AFG2A: variants seen among roughly 807,000 people sequenced by gnomAD.
AFG2A encodes the protein AAA ATPase AFG2A.
At chr4:122,948,452 A>G in the AFG2A span, among the ~76,000 whole-genome samples, 1 of 151,098 alleles carries the variant, frequency 6.6e-6, no homozygotes, top group African/African-American at 2.4e-5. Context: ...AATCAGATCC[A>G]TTGGTGGCGG....
the AFG2A span, among the ~76,000 whole-genome samples, chr4:123,154,310 TC>T: frequency 7.2e-5 from 11 of 152,076 alleles, no homozygotes; most frequent in Non-Finnish European, 1.5e-4. Flanking sequence ...GTAATATTCA[TC>T]AAAGTATATA....
the AFG2A span, among the ~76,000 whole-genome samples, chr4:123,179,200 G>A: frequency 1.3e-5 from 2 of 152,172 alleles, no homozygotes; most frequent in East Asian, 3.8e-4. Context: ...TCCTTCAGAT[G>A]CCAGCAATCT....
chr4:123,271,423 A>G, the AFG2A span, among the ~76,000 whole-genome samples: 2 of 152,180 alleles, frequency 1.3e-5, no homozygotes, highest in Non-Finnish European at 2.9e-5. Flanking sequence ...GATGAGGATC[A>G]TTTTATTATC....
the AFG2A span, among the ~76,000 whole-genome samples, chr4:123,296,308 A>C: frequency 6.6e-6 from 1 of 152,204 alleles, no homozygotes; most frequent in Non-Finnish European, 1.5e-5. Context: ...AATATGGGAG[A>C]CTGGATAGGA....
chr4:123,025,498 C>T, the AFG2A span, among the ~76,000 whole-genome samples: 2 of 152,092 alleles, frequency 1.3e-5, no homozygotes, highest in African/African-American at 4.8e-5. Context: ...TGAATATGAC[C>T]GCTCCATCTT....
chr4:123,115,398 GGTGGGT>G, the AFG2A span, among the ~76,000 whole-genome samples: 1 of 152,116 alleles, frequency 6.6e-6, no homozygotes, highest in Non-Finnish European at 1.5e-5. Flanking sequence ...CCGCCAGCAG[GGTGGGT>G]GCGGCGACAG....
At chr4:123,164,675 T>A in the AFG2A span, among the ~76,000 whole-genome samples, 1 of 152,272 alleles carries the variant, frequency 6.6e-6, no homozygotes, top group Non-Finnish European at 1.5e-5. Context: ...TAGATTCTAA[T>A]TGAAGTCTCT....
the AFG2A span, among the ~76,000 whole-genome samples, chr4:122,982,983 T>C: frequency 6.9e-6 from 1 of 144,994 alleles, no homozygotes; most frequent in African/African-American, 2.5e-5. Context: ...TTCTCCTGCC[T>C]CAACCTCCTG....
the AFG2A span, among the ~76,000 whole-genome samples, chr4:123,203,797 G>A: frequency 2.0e-5 from 3 of 152,158 alleles, no homozygotes; most frequent in Non-Finnish European, 4.4e-5. Context: ...TTAGTTTCCT[G>A]TTGCTGCTAT....
the AFG2A span, among the ~76,000 whole-genome samples, chr4:123,153,864 T>C: frequency 6.6e-6 from 1 of 152,160 alleles, no homozygotes; most frequent in Non-Finnish European, 1.5e-5. Flanking sequence ...ATAATTGTCA[T>C]TAACTTCTTG....
the AFG2A span, among the ~76,000 whole-genome samples, chr4:123,026,857 C>A: frequency 6.6e-6 from 1 of 152,152 alleles, no homozygotes; most frequent in Non-Finnish European, 1.5e-5. Context: ...ATATTCAAGT[C>A]CCAGTTGACA....
At chr4:123,055,098 C>T in the AFG2A span, among the ~76,000 whole-genome samples, 2 of 152,172 alleles carry the variant, frequency 1.3e-5, no homozygotes, top group Admixed American at 6.5e-5. Flanking sequence ...GCCACAATCT[C>T]CCTGCACCCT....
At chr4:123,050,739 C>CTTTTTTTTTTTTTT in the AFG2A span, among the ~76,000 whole-genome samples, 102 of 140,266 alleles carry the variant, frequency 7.3e-4, no homozygotes, top group African/African-American at 2.5e-3. Context: ...ATAGTTGTGT[C>CTTTTTTTTTTTTTT]TTTTTTTTTT....
the AFG2A span, chr4:123,318,304 C>T: frequency 6.6e-6 from 1 of 152,168 alleles, no homozygotes; most frequent in Non-Finnish European, 1.5e-5. Context: ...CAATGGGAGA[C>T]ATTATGTCTG....
the AFG2A span, among the ~76,000 whole-genome samples, chr4:123,152,308 A>C: frequency 0.61 from 92,603 of 152,054 alleles, 33,056 homozygotes; most frequent in East Asian, 0.97. Flanking sequence ...TAATAATAAG[A>C]AAAGATAATT....
At chr4:123,036,458 A>G in the AFG2A span, among the ~76,000 whole-genome samples, 1 of 152,108 alleles carries the variant, frequency 6.6e-6, no homozygotes, top group Non-Finnish European at 1.5e-5. Flanking sequence ...AGGCAGTTGT[A>G]TATATGGATT....
At chr4:123,144,569 T>A in the AFG2A span, among the ~76,000 whole-genome samples, 1 of 152,122 alleles carries the variant, frequency 6.6e-6, no homozygotes, top group Non-Finnish European at 1.5e-5. Flanking sequence ...TAAGTGAGAC[T>A]GTTGTAAACC....
chr4:122,985,168 C>A, the AFG2A span, among the ~76,000 whole-genome samples: 1 of 150,660 alleles, frequency 6.6e-6, no homozygotes, highest in Non-Finnish European at 1.5e-5. Context: ...TCTTGTTGAC[C>A]AGACTGGAGT....
chr4:123,104,451 A>G, the AFG2A span, among the ~76,000 whole-genome samples: 1 of 152,136 alleles, frequency 6.6e-6, no homozygotes, highest in Admixed American at 6.6e-5. Flanking sequence ...TAACCCTACA[A>G]TGATTTCCAG....
Sources: gnomAD v4.1 joint callset for allele counts (sites outside exome capture counted in the v4.1 genomes callset) on GRCh38, gnomAD v4.1.1 for gene constraint, MANE v1.5 for transcripts, NCBI Gene and HGNC (gene_info 2026-07-23, HGNC 2026-07-21) for gene names.